The following BICRAL variants were observed in gnomAD, a reference collection of about 807,000 sequenced individuals.
BICRAL encodes BICRA like chromatin remodeling complex associated protein.
BICRAL carries 8 observed loss-of-function variants against 91.8 expected under a neutral mutation model. The ratio of observed to expected loss-of-function variants is 0.09; its 90% CI spans 0.05 to 0.16. BICRAL has a LOEUF of 0.16. Ranked by LOEUF, BICRAL falls within the 10% of genes least tolerant of loss-of-function variation. The probability of loss-of-function intolerance (pLI) is 1.00; values close to 1 mark genes in which losing one functional copy is unlikely to be tolerated. For synonymous variants in BICRAL, 445 were observed against 491.1 expected, an observed-to-expected ratio of 0.91 and a Z score of 1.24; for missense variants, 1,038 against 1,310.9, an observed-to-expected ratio of 0.79 and a Z score of 3.21.
intron 6 of BICRAL, among the ~76,000 whole-genome samples, chr6:42,845,006 G>T (rs539156997): frequency 6.6e-6 from 1 of 151,734 alleles, no homozygotes; most frequent in Non-Finnish European, 1.5e-5. Context: ...ATTCAAAAGA[G>T]CTGACTAAAG....
chr6:42,860,468 T>A, intron 11 of BICRAL, 112 bp downstream of exon 11: 1 of 640,018 alleles, frequency 1.6e-6, no homozygotes, highest in Non-Finnish European at 2.7e-6. Flanking sequence ...GTAACAGATA[T>A]TTCACACTGT....
At chr6:42,818,774 C>T (rs528146253) in intron 2 of BICRAL, among the ~76,000 whole-genome samples, 12 of 152,224 alleles carry the variant, frequency 7.9e-5, no homozygotes, top group Non-Finnish European at 1.5e-4. Context: ...GTGAATCTAC[C>T]TTATTTTCCC....
rs1290370929 is a variant in BICRAL at position 42,782,327 on chromosome 6, G to GT, written c.-102+242dup. 6.8e-3 allele frequency among the ~76,000 whole-genome samples: 405 copies of GT among 59,468 alleles called. 2 individuals carry two copies. The highest frequency in any genetic ancestry group is 0.011 in the East Asian group (19 of 1,722). The allele number at this position is 59,468 out of a possible 152,430, so 39.0% of individuals were successfully genotyped here. On this transcript the variant is annotated intron_variant, in intron 1 of 12. Transcript: ENST00000314073. Reference sequence around the variant, plus strand: ...CCAGAGAGCTATTGGCTAAGGCTGTGTTTTTTTTTTTTTTTTGGGGGGGGG... The same window carrying GT: ...CCAGAGAGCTATTGGCTAAGGCTGTGTTTTTTTTTTTTTTTTTGGGGGGGGG...
chr6:42,804,586 A>C (rs1156725517), intron 1 of BICRAL, among the ~76,000 whole-genome samples: 4 of 152,208 alleles, frequency 2.6e-5, no homozygotes, highest in African/African-American at 4.8e-5. Flanking sequence ...TCTTCTAAGT[A>C]AAAGGAACAT....
At chr6:42,751,216 T>G (rs1212821648) in intron 1 of BICRAL, among the ~76,000 whole-genome samples, 1 of 151,584 alleles carries the variant, frequency 6.6e-6, no homozygotes, top group Non-Finnish European at 1.5e-5. Flanking sequence ...CAAGTCCCCC[T>G]CCAACCCCAA....
chr6:42,777,522 C>A (rs910938420), upstream of BICRAL, among the ~76,000 whole-genome samples: 2 of 152,196 alleles, frequency 1.3e-5, no homozygotes, highest in African/African-American at 4.8e-5. Context: ...ATTTGCTTCA[C>A]AAACACTCTA....
chr6:42,824,904 C>G (rs983397169), intron 5 of BICRAL, among the ~76,000 whole-genome samples: 29 of 152,172 alleles, frequency 1.9e-4, no homozygotes, highest in Admixed American at 2.0e-4. Flanking sequence ...AGGAGGATTA[C>G]TTGAGCTCAG....
intron 6 of BICRAL, among the ~76,000 whole-genome samples, chr6:42,844,770 T>C (rs1238410814): frequency 2.6e-5 from 4 of 151,900 alleles, no homozygotes; most frequent in African/African-American, 9.7e-5. Context: ...TGAAGAGCAA[T>C]AGCTATGAGG....
At chr6:42,852,716 C>T (rs1300452471) in intron 7 of BICRAL, among the ~76,000 whole-genome samples, 1 of 149,192 alleles carries the variant, frequency 6.7e-6, no homozygotes, top group Non-Finnish European at 1.5e-5. Context: ...GATGTACTAT[C>T]ATTTTTTATA....
chr6:42,847,454 G>A (rs1339362846), intron 6 of BICRAL, among the ~76,000 whole-genome samples: 1 of 151,854 alleles, frequency 6.6e-6, no homozygotes, highest in Admixed American at 6.6e-5. Context: ...TTCTTCTTTA[G>A]CTTATCGATA....
chr6:42,797,215 T>C (rs1054551387), intron 1 of BICRAL, among the ~76,000 whole-genome samples: 5 of 152,092 alleles, frequency 3.3e-5, no homozygotes, highest in Non-Finnish European at 7.4e-5. Flanking sequence ...GTATAACTTA[T>C]AAGAGGAACT....
chr6:42,779,219 GAA>G (rs1222198480), upstream of BICRAL, among the ~76,000 whole-genome samples: 5 of 104,094 alleles, frequency 4.8e-5, no homozygotes, highest in African/African-American at 7.8e-5. Context: ...CCTGTCTCAA[GAA>G]AAACACACAC....
chr6:42,822,031 T>G lies in BICRAL; in HGVS notation c.9T>G (p.Asp3Glu). The G allele has an allele frequency of 6.2e-7, 1 of 1,607,582 alleles. No homozygotes were observed. Among genetic ancestry groups the G allele is most frequent in the Non-Finnish European group, 8.5e-7 (1 of 1,174,456 alleles). The change falls in exon 3 of 13, where the codon GAT becomes GAG. Residue 3 changes from aspartate (D) to glutamate (E), a missense_variant. By Grantham distance (45) the Asp-to-Glu change is conservative (BLOSUM62 2). Transcript: ENST00000314073. MD[D>E]DDDSCLLDLI... ...TTTTCTTTATAGTTGTCATGGATGA[T>G]GATGATGACTCGTGTCTCCTTGATC... is the stretch of plus-strand genomic sequence containing the variant.
At chr6:42,787,422 G>A (rs1359206227) in intron 1 of BICRAL, among the ~76,000 whole-genome samples, 1 of 152,112 alleles carries the variant, frequency 6.6e-6, no homozygotes, top group Non-Finnish European at 1.5e-5. Flanking sequence ...GGAGTCACTA[G>A]TATACAGATG....
In BICRAL at chr6:42,865,300, G is replaced by A. The variant is rs369133415; in HGVS notation, c.3094G>A (p.Gly1032Ser). Residue 1032 changes from glycine to serine, a missense_variant, in exon 13 of 13, where the codon GGC becomes AGC. This residue lies in a region of BICRAL where 92 missense variants were observed against 147.8 expected (regional missense o/e 0.62). Transcript: ENST00000314073. ...GCCCCAGAGTGACCCCACGGTTAGC[G>A]GCTCTGTTGAGTTAGATTTCCCCAA... The part of the protein sequence containing the change: ...RQPQSDPTVS[G>S]SVELDFPNFS... 134 of 1,613,966 alleles carry A rather than the reference G, an allele frequency of 8.3e-5. 1 individual carries two copies. Among genetic ancestry groups the A allele is most frequent in the South Asian group, 3.6e-4 (33 of 91,088 alleles).
chr6:42,770,217 C>T (rs970088980), intron 1 of BICRAL, among the ~76,000 whole-genome samples: 1 of 151,994 alleles, frequency 6.6e-6, no homozygotes, highest in Non-Finnish European at 1.5e-5. Flanking sequence ...GTTCTTCCCT[C>T]TCTTAGTTTT....
intron 1 of BICRAL, among the ~76,000 whole-genome samples, chr6:42,758,082 C>T (rs1365188962): frequency 2.0e-5 from 3 of 152,152 alleles, no homozygotes; most frequent in Non-Finnish European, 1.5e-5. Flanking sequence ...ACCCAGTTGA[C>T]AAATACTGTT....
intron 1 of BICRAL, among the ~76,000 whole-genome samples, chr6:42,755,467 C>A (rs1762443853): frequency 6.6e-6 from 1 of 152,162 alleles, no homozygotes; most frequent in Admixed American, 6.6e-5. Flanking sequence ...ACCCTCACTG[C>A]CTGTCAGCAG....
intron 6 of BICRAL, among the ~76,000 whole-genome samples, chr6:42,836,173 AG>A (rs1034587389): frequency 6.6e-5 from 10 of 152,180 alleles, no homozygotes; most frequent in African/African-American, 2.4e-4. Context: ...ATAGAACTTG[AG>A]GATCATTTTA....
Sources: gnomAD v4.1 joint callset for allele counts (sites outside exome capture counted in the v4.1 genomes callset) on GRCh38, gnomAD v4.1.1 for gene constraint, gnomAD v4.1.1 regional missense constraint, MANE v1.5 for transcripts, NCBI Gene and HGNC (gene_info 2026-07-23, HGNC 2026-07-21) for gene names.